The following DAB1 variants were observed in gnomAD, a reference collection of about 807,000 sequenced individuals.
The protein encoded by DAB1 is DAB adaptor protein 1, also known as disabled homolog 1.
Under a neutral mutation model 64.6 loss-of-function variants are expected in DAB1, and 15 were observed. That is an observed-to-expected ratio of 0.23 (90% CI 0.16 to 0.36). The LOEUF is 0.36. Among genes scored for constraint, DAB1 ranks in the 10% least tolerant of loss-of-function variants. The pLI is 1.00. For missense variants in DAB1, 596 were observed against 706.7 expected (o/e 0.84, Z 1.78); for synonymous variants, 235 against 251.9 (o/e 0.93, Z 0.64).
rs75164555 is a variant in DAB1 at position 57,407,126 on chromosome 1, G to A, written c.-137+16804C>T. 4.0e-4 allele frequency among the ~76,000 whole-genome samples: 61 copies of A among 152,308 alleles called. No individual in the cohort carries two copies. The East Asian group carries it at 0.011, about 28-fold the overall frequency. On this transcript the variant is annotated intron_variant, in intron 1 of 14. Coordinates refer to ENST00000371236, the MANE Select transcript of DAB1 (RefSeq NM_001365792.1). ...TGAATTATGATAAAGTCCCATGTGT[G>A]CTCACAAGACATAAAGTTGCTTTCT...
intron 2 of DAB1, among the ~76,000 whole-genome samples, chr1:57,171,192 C>A (rs1661722582): frequency 6.6e-6 from 1 of 152,108 alleles, no homozygotes; most frequent in Admixed American, 6.5e-5. Context: ...GTAACATCAA[C>A]AGAAAGCAAA....
intron 2 of DAB1, among the ~76,000 whole-genome samples, chr1:58,518,556 G>C (rs1311449979): frequency 6.6e-6 from 1 of 151,606 alleles, no homozygotes; most frequent in East Asian, 2.0e-4. Flanking sequence ...AACATACTGA[G>C]ATATATTTTA....
At chr1:58,505,648 A>G (rs1645976648) in intron 3 of DAB1, among the ~76,000 whole-genome samples, 2 of 152,312 alleles carry the variant, frequency 1.3e-5, no homozygotes, top group African/African-American at 4.8e-5. Flanking sequence ...CCACTACTAC[A>G]ATTAATATCC....
At chr1:58,503,505 C>G (rs1276323192) in intron 3 of DAB1, among the ~76,000 whole-genome samples, 1 of 152,000 alleles carries the variant, frequency 6.6e-6, no homozygotes, top group East Asian at 1.9e-4. Context: ...GAGTGAATGT[C>G]TGTGTCCTGT....
intron 3 of DAB1, among the ~76,000 whole-genome samples, chr1:58,420,268 G>T (rs1644759737): frequency 6.6e-6 from 1 of 152,120 alleles, no homozygotes; most frequent in South Asian, 2.1e-4. Context: ...CAGCCATCTT[G>T]CTGGCTCCAG....
At chr1:58,047,080 GC>G in intron 5 of DAB1, among the ~76,000 whole-genome samples, 1 of 152,042 alleles carries the variant, frequency 6.6e-6, no homozygotes, top group Non-Finnish European at 1.5e-5. Context: ...TATATACATA[GC>G]CTGAAAATGA....
intron 1 of DAB1, among the ~76,000 whole-genome samples, chr1:57,297,892 A>G (rs897186824): frequency 6.6e-6 from 1 of 152,160 alleles, no homozygotes; most frequent in Non-Finnish European, 1.5e-5. Context: ...GTAACTCCCC[A>G]GACTGCCAAA....
rs1379339169 is a variant in DAB1 at position 57,520,013 on chromosome 1, C to T, written n.625+129579G>A. ...AGTTGGAAAGGTCAATTCTTAAAAA[C>T]ATGACATGGCTTTAGGTTATGTTCT... On this transcript the variant is annotated intron_variant and non_coding_transcript_variant, in intron 7 of 20. Coordinates refer to the DAB1 transcript ENST00000485760. Among the ~76,000 whole-genome samples, 2 of 152,124 alleles carry T rather than the reference C, an allele frequency of 1.3e-5. 1 individual carries two copies. The highest frequency in any genetic ancestry group is 4.1e-4 in the South Asian group (2 of 4,828).
chr1:57,629,669 G>A (rs147492819), intron 7 of DAB1, among the ~76,000 whole-genome samples: 166 of 151,720 alleles, frequency 1.1e-3, no homozygotes, highest in African/African-American at 3.6e-3. Context: ...GCCTACTAGA[G>A]GCTCAAATCT....
chr1:57,124,270 A>C (rs1358256182), intron 4 of DAB1, among the ~76,000 whole-genome samples: 2 of 152,242 alleles, frequency 1.3e-5, no homozygotes, highest in East Asian at 3.8e-4. Context: ...CAGATAAAGG[A>C]GTGAAAATAT....
chr1:57,495,076 C>T (rs1570571885), intron 7 of DAB1, among the ~76,000 whole-genome samples: 2 of 152,214 alleles, frequency 1.3e-5, no homozygotes, highest in African/African-American at 4.8e-5. Flanking sequence ...TTGAGTCAAT[C>T]GCATAGGGAT....
chr1:57,015,426 C>T lies in DAB1; in HGVS notation c.901G>A (p.Val301Ile), dbSNP rs1646398711. 4.4e-6 allele frequency: 7 copies of T among 1,604,946 alleles called. No individual in the cohort carries two copies. Among genetic ancestry groups the T allele is most frequent in the Non-Finnish European group, 5.1e-6 (6 of 1,175,166 alleles). Residue 301 changes from valine (V) to isoleucine (I), a missense_variant, in exon 12 of 15, where the codon GTT becomes ATT. Around this residue, in one of 3 missense-constraint regions of DAB1, gnomAD observed 377 missense variants for 400.4 expected, o/e 0.94. Transcript: ENST00000371236. ...FGTAAVPSGYVAMGAVLPSFW... is the reference protein window; with the variant it reads ...FGTAAVPSGYIAMGAVLPSFW... ...GACGGGAGGACAGCGCCCATTGCAA[C>T]GTAACCTGGGAGAATGAAAAAGGAG...
chr1:57,851,673 G>A (rs1188227158), intron 1 of DAB1, among the ~76,000 whole-genome samples: 1 of 152,192 alleles, frequency 6.6e-6, no homozygotes, highest in East Asian at 1.9e-4. Flanking sequence ...ATAGATATTA[G>A]AAGAGTCTTT....
intron 5 of DAB1, among the ~76,000 whole-genome samples, chr1:58,140,082 T>A (rs539395767): frequency 5.3e-5 from 8 of 152,296 alleles, no homozygotes; most frequent in Admixed American, 3.3e-4. Context: ...TACTACCCTT[T>A]ATCGCAAATC....
At chr1:58,089,637 CAT>C (rs1392746299) in intron 5 of DAB1, among the ~76,000 whole-genome samples, 2 of 152,166 alleles carry the variant, frequency 1.3e-5, no homozygotes, top group Non-Finnish European at 2.9e-5. Flanking sequence ...CAAAGAGAAA[CAT>C]TGCAGGGAAA....
chr1:57,464,806 T>G (rs1368212231), intron 7 of DAB1, among the ~76,000 whole-genome samples: 1 of 152,006 alleles, frequency 6.6e-6, no homozygotes, highest in Non-Finnish European at 1.5e-5. Flanking sequence ...TTTGTTGTAC[T>G]GCAGGGAATT....
chr1:57,295,899 A>G (rs564203397), intron 1 of DAB1, among the ~76,000 whole-genome samples: 2 of 152,140 alleles, frequency 1.3e-5, no homozygotes, highest in African/African-American at 4.8e-5. Context: ...AAGCAAATCA[A>G]TTCAATTTTA....
At chr1:57,127,049 C>G (rs1250398321) in intron 4 of DAB1, among the ~76,000 whole-genome samples, 1 of 152,192 alleles carries the variant, frequency 6.6e-6, no homozygotes, top group Non-Finnish European at 1.5e-5. Flanking sequence ...AGTGCTGTGC[C>G]TAATTACAGT....
chr1:57,497,206 C>T (rs939055412), intron 7 of DAB1, among the ~76,000 whole-genome samples: 19 of 152,228 alleles, frequency 1.2e-4, no homozygotes, highest in Non-Finnish European at 2.6e-4. Context: ...CATTCTCAAT[C>T]CCCTTGCTCT....
Sources: gnomAD v4.1 joint callset for allele counts (sites outside exome capture counted in the v4.1 genomes callset) on GRCh38, gnomAD v4.1.1 for gene constraint, gnomAD v4.1.1 regional missense constraint, MANE v1.5 for transcripts, NCBI Gene and HGNC (gene_info 2026-07-23, HGNC 2026-07-21) for gene names.